The following RNMT variants were observed in gnomAD, a reference collection of about 807,000 sequenced individuals.
RNMT encodes the protein mRNA cap guanine-N(7) methyltransferase.
In RNMT, 27 loss-of-function variants were observed where a neutral mutation model predicts 56.0. The ratio of observed to expected loss-of-function variants is 0.48; its 90% CI spans 0.36 to 0.67. The LOEUF is 0.67. RNMT is among the 30% of genes least tolerant of loss of function. The pLI is 0.00. For synonymous variants in RNMT, 184 were observed against 176.2 expected (o/e 1.04, Z -0.35); for missense variants, 519 against 552.1 (o/e 0.94, Z 0.60).
At chr18:13,741,944 A>G (rs1402176062) in intron 7 of RNMT, among the ~76,000 whole-genome samples, 5 of 152,242 alleles carry the variant, frequency 3.3e-5, no homozygotes, top group Admixed American at 2.0e-4. Flanking sequence ...TCAGATACAC[A>G]GGCACAGAGA....
At chr18:13,740,076 G>C (rs746906399) in intron 5 of RNMT, 91 bp from the exon 6 acceptor site, 1 of 791,978 alleles carries the variant, frequency 1.3e-6, no homozygotes, top group African/African-American at 1.7e-5. Context: ...TACTAAGGCT[G>C]ACTTTTATGC....
At chr18:13,729,767 A>G (rs546169964) in intron 1 of RNMT, among the ~76,000 whole-genome samples, 3 of 148,890 alleles carry the variant, frequency 2.0e-5, no homozygotes, top group Admixed American at 1.3e-4. Flanking sequence ...TTATTTATTT[A>G]CTTTTTTTTT....
intron 6 of RNMT, among the ~76,000 whole-genome samples, chr18:13,741,092 G>T (rs1602013126): frequency 6.6e-6 from 1 of 152,190 alleles, no homozygotes; most frequent in South Asian, 2.1e-4. Context: ...TTTGAAATTT[G>T]AAAGTGAAAA....
At chr18:13,741,177 C>T (rs942591316) in intron 6 of RNMT, among the ~76,000 whole-genome samples, 3 of 138,780 alleles carry the variant, frequency 2.2e-5, no homozygotes, top group South Asian at 2.4e-4. Flanking sequence ...AAATGCCAAA[C>T]GCCAGATGTT....
chr18:13,752,952 A>G (rs2044476239), intron 10 of RNMT, among the ~76,000 whole-genome samples: 1 of 152,242 alleles, frequency 6.6e-6, no homozygotes, highest in Non-Finnish European at 1.5e-5. Context: ...AAATGACATC[A>G]CTAGAACTGC....
In RNMT at chr18:13,761,228, TC is replaced by T; in HGVS notation, c.*1250del. ...TATGGATTTCCTCATTTCAGTTCCT[TC>T]TGCAGCCTGTGAATCTCCACAAAGT... On this transcript the variant is annotated 3_prime_UTR_variant, in exon 12 of 12. Coordinates refer to ENST00000383314, the MANE Select transcript of RNMT (RefSeq NM_003799.3). 3 of 985,488 alleles carry T rather than the reference TC, an allele frequency of 3.0e-6. No individual in the cohort carries two copies. Among genetic ancestry groups the T allele is most frequent in the Non-Finnish European group, 3.6e-6 (3 of 829,938 alleles). The allele number at this position is 985,488 out of a possible 1,614,324, so 61.0% of individuals were successfully genotyped here. A position where few individuals can be genotyped will look rare whatever the true frequency, so the allele number is the denominator to read the frequency against.
intron 1 of RNMT, among the ~76,000 whole-genome samples, chr18:13,728,234 A>ATTCTT (rs1466106441): frequency 6.7e-6 from 1 of 149,932 alleles, no homozygotes; most frequent in Admixed American, 6.6e-5. Flanking sequence ...GGCTGTGCTA[A>ATTCTT]TTTACGTTCT....
chr18:13,755,351 C>T (rs182735441), intron 11 of RNMT, among the ~76,000 whole-genome samples: 77 of 152,234 alleles, frequency 5.1e-4, no homozygotes, highest in African/African-American at 1.8e-3. Flanking sequence ...TGTGCAGGTG[C>T]GTGTAACGTT....
Position 13,763,115 on chromosome 18 carries a change from T to C in RNMT, c.*3136T>C, listed in dbSNP as rs45596939. 44,040 of 455,910 alleles carry C rather than the reference T, an allele frequency of 0.097. 2,702 individuals are homozygous for C. The highest frequency in any genetic ancestry group is 0.16 in the South Asian group (10,202 of 64,532). 28.2% of individuals were successfully genotyped at this position (455,910 alleles called of 1,614,324 possible). On this transcript the variant is annotated 3_prime_UTR_variant, in exon 12 of 12. Transcript: ENST00000383314. ...AATGCCTGTGGTACTTGATGGCCTG[T>C]TGGTCAAATAGGAAGTACAAGTGTG...
Position 13,761,516 on chromosome 18 carries a change from G to GTAA in RNMT, c.*1546_*1548dup. ...CACATTTACTGGTCTTAATTAACAGGTAATAATAATACATGTACTTTTAGC... is the reference window on the plus strand; with the variant it reads ...CACATTTACTGGTCTTAATTAACAGGTAATAATAATAATACATGTACTTTTAGC... On this transcript the variant is annotated 3_prime_UTR_variant, in exon 12 of 12. Coordinates refer to ENST00000383314, the MANE Select transcript of RNMT (RefSeq NM_003799.3). 1.0e-6 allele frequency: 1 copy of GTAA among 989,136 alleles called. No homozygotes were observed. The highest frequency in any genetic ancestry group is 1.2e-6 in the Non-Finnish European group (1 of 832,050). 61.3% of individuals were successfully genotyped at this position (989,136 alleles called of 1,614,324 possible).
intron 11 of RNMT, among the ~76,000 whole-genome samples, chr18:13,757,298 T>C (rs150657689): frequency 7.9e-5 from 12 of 152,190 alleles, no homozygotes; most frequent in African/African-American, 2.6e-4. Flanking sequence ...ACAATGAAGT[T>C]TGCCTCATTG....
intron 10 of RNMT, 37 bp downstream of exon 10, chr18:13,752,464 G>A (rs1239732959): frequency 7.8e-7 from 1 of 1,286,294 alleles, no homozygotes; most frequent in Admixed American, 1.8e-5. Flanking sequence ...TATAGAGAAT[G>A]AAAAAAAGAA....
intron 10 of RNMT, among the ~76,000 whole-genome samples, chr18:13,752,968 G>A (rs1598427062): frequency 6.6e-6 from 1 of 152,110 alleles, no homozygotes; most frequent in Non-Finnish European, 1.5e-5. Context: ...ACTGCCACTA[G>A]ATCTTGTTAT....
intron 5 of RNMT, among the ~76,000 whole-genome samples, chr18:13,739,562 C>T (rs931725095): frequency 6.6e-6 from 1 of 152,170 alleles, no homozygotes; most frequent in African/African-American, 2.4e-5. Context: ...GAGGGTGGAT[C>T]ACTTGAGGCC....
At chr18:13,727,450 GT>G (rs1052906058) in intron 1 of RNMT, among the ~76,000 whole-genome samples, 14 of 151,976 alleles carry the variant, frequency 9.2e-5, no homozygotes, top group Admixed American at 4.6e-4. Context: ...TTTGGTTTGG[GT>G]TTTTTTTCCC....
chr18:13,761,326 T>C lies in RNMT; in HGVS notation c.*1347T>C, dbSNP rs970110499. The C allele has an allele frequency of 7.7e-5, 76 of 985,306 alleles. No homozygotes were observed. Among genetic ancestry groups the C allele is most frequent in the Non-Finnish European group, 9.2e-5 (76 of 829,924 alleles). 61.0% of individuals were successfully genotyped at this position (985,306 alleles called of 1,614,324 possible). A position where few individuals can be genotyped will look rare whatever the true frequency, so the allele number is the denominator to read the frequency against. ...AAATAAGTAATACTGCATCTGACTCTGGTGGCTGTATTAGCTAGGAAAGGT... is the reference window on the plus strand; with the variant it reads ...AAATAAGTAATACTGCATCTGACTCCGGTGGCTGTATTAGCTAGGAAAGGT... On this transcript the variant is annotated 3_prime_UTR_variant, in exon 12 of 12. Transcript: ENST00000383314.
At chr18:13,759,488 T>A (rs2044593577) in intron 11 of RNMT, among the ~76,000 whole-genome samples, 1 of 152,238 alleles carries the variant, frequency 6.6e-6, no homozygotes, top group Non-Finnish European at 1.5e-5. Flanking sequence ...AATAATTGGA[T>A]AATTGGGTGA....
At chr18:13,741,179 C>G (rs2044245382) in intron 6 of RNMT, among the ~76,000 whole-genome samples, 1 of 133,024 alleles carries the variant, frequency 7.5e-6, no homozygotes, top group Non-Finnish European at 1.6e-5. Context: ...ATGCCAAACG[C>G]CAGATGTTTT....
intron 5 of RNMT, among the ~76,000 whole-genome samples, chr18:13,739,524 A>G (rs374954515): frequency 1.1e-4 from 16 of 152,168 alleles, no homozygotes; most frequent in African/African-American, 3.6e-4. Context: ...GTTCATGCCT[A>G]TAATCCCCAG....
Sources: allele counts gnomAD v4.1 joint callset (sites outside exome capture counted in the v4.1 genomes callset), GRCh38; gene constraint gnomAD v4.1.1; transcripts MANE v1.5; gene names NCBI Gene and HGNC (gene_info 2026-07-23, HGNC 2026-07-21).